Variants in SCAI observed in about 807,000 individuals in gnomAD.
SCAI encodes the protein suppressor of cancer cell invasion.
A neutral mutation model predicts 92.2 loss-of-function variants in SCAI; 24 were observed. The ratio of observed to expected loss-of-function variants is 0.26; its 90% CI spans 0.19 to 0.37. The LOEUF is 0.37. Ranked by LOEUF, SCAI falls within the 10% of genes least tolerant of loss-of-function variation. The pLI is 1.00. For missense variants in SCAI, 450 were observed against 736.2 expected, an observed-to-expected ratio of 0.61 and a Z score of 4.50; for synonymous variants, 261 against 258.6, an observed-to-expected ratio of 1.01 and a Z score of -0.09.
chr9:125,056,096 C>A, intron 2 of SCAI, 89 bp from the exon 3 acceptor site: 1 of 909,790 alleles, frequency 1.1e-6, no homozygotes, highest in Non-Finnish European at 1.6e-6. Flanking sequence ...TATTTTTTAT[C>A]CAAGACAGAT....
At chr9:124,957,412 G>C (rs551961612) in intron 17 of SCAI, among the ~76,000 whole-genome samples, 49 of 151,988 alleles carry the variant, frequency 3.2e-4, no homozygotes, top group Middle Eastern at 3.4e-3. Flanking sequence ...GCCCAGGCTG[G>C]AGTGCAGTGG....
chr9:125,093,562 ACCT>A (rs1411893476), intron 2 of SCAI, among the ~76,000 whole-genome samples: 108 of 136,742 alleles, frequency 7.9e-4, no homozygotes, highest in African/African-American at 2.7e-3. Flanking sequence ...CACTGATGAC[ACCT>A]CCTTTTTTTT....
At chr9:125,004,752 TATATATATATATATATATATATA>T (rs1832445816) in intron 9 of SCAI, among the ~76,000 whole-genome samples, 80 of 15,172 alleles carry the variant, frequency 5.3e-3, no homozygotes, top group Admixed American at 0.012. Context: ...TATATATATA[TATATATATATATATATATATATA>T]TATATTTTTT....
chr9:125,054,487 C>A (rs1833624724), intron 3 of SCAI, among the ~76,000 whole-genome samples: 1 of 149,358 alleles, frequency 6.7e-6, no homozygotes. Flanking sequence ...GAATATGGTA[C>A]ATACTGGGTG....
intron 14 of SCAI, among the ~76,000 whole-genome samples, chr9:124,987,042 CT>C (rs377179832): frequency 6.6e-6 from 1 of 151,788 alleles, no homozygotes; most frequent in African/African-American, 2.4e-5. Context: ...GACTGAGGGC[CT>C]TTTTTTTGAG....
chr9:125,141,944 G>A (rs909235886), intron 2 of SCAI, among the ~76,000 whole-genome samples: 2 of 152,008 alleles, frequency 1.3e-5, no homozygotes, highest in Admixed American at 6.6e-5. Context: ...ATTTTTTGAG[G>A]CAGGGTCTTG....
chr9:125,060,406 T>C (rs1414263783), intron 2 of SCAI, among the ~76,000 whole-genome samples: 1 of 152,206 alleles, frequency 6.6e-6, no homozygotes, highest in African/African-American at 2.4e-5. Flanking sequence ...GAGTGGCATA[T>C]TTCTTCAAAG....
intron 2 of SCAI, chr9:125,066,195 T>C (rs1309836573): frequency 1.9e-6 from 1 of 516,034 alleles, no homozygotes; most frequent in African/African-American, 2.0e-5. Flanking sequence ...GCAAAGTTTC[T>C]GGATAAAAGG....
intron 2 of SCAI, chr9:125,065,904 A>G: frequency 4.5e-6 from 3 of 671,036 alleles, no homozygotes; most frequent in Non-Finnish European, 8.0e-6. Context: ...AAGAAAAAGA[A>G]ACCAACTCAG....
intron 6 of SCAI, among the ~76,000 whole-genome samples, chr9:125,023,204 A>C (rs555771031): frequency 6.6e-6 from 1 of 152,304 alleles, no homozygotes; most frequent in East Asian, 1.9e-4. Flanking sequence ...CTTGTATATC[A>C]TACCTTCCCC....
chr9:125,040,961 T>C (rs542560661), intron 3 of SCAI, among the ~76,000 whole-genome samples: 2 of 152,234 alleles, frequency 1.3e-5, no homozygotes, highest in African/African-American at 2.4e-5. Flanking sequence ...CTGTAATAAA[T>C]ATCTTCATAC....
chr9:125,014,081 T>C (rs1213629231), intron 9 of SCAI, among the ~76,000 whole-genome samples: 2 of 152,132 alleles, frequency 1.3e-5, no homozygotes, highest in South Asian at 2.1e-4. Context: ...TCATACTGAA[T>C]GGGCAAAAAC....
chr9:125,112,690 C>T (rs980314307), intron 2 of SCAI, among the ~76,000 whole-genome samples: 12 of 152,228 alleles, frequency 7.9e-5, no homozygotes, highest in Non-Finnish European at 1.6e-4. Context: ...TAACACCTAG[C>T]TCTTGGCTTC....
At chr9:125,058,986 AATATAG>A (rs1833724277) in intron 2 of SCAI, among the ~76,000 whole-genome samples, 1 of 152,240 alleles carries the variant, frequency 6.6e-6, no homozygotes, top group Non-Finnish European at 1.5e-5. Context: ...ATCATGAATC[AATATAG>A]ATATAAATAA....
intron 3 of SCAI, among the ~76,000 whole-genome samples, chr9:125,046,262 T>TAC (rs1179147297): frequency 6.0e-5 from 7 of 116,962 alleles, no homozygotes; most frequent in African/African-American, 1.3e-4. Context: ...TACACATATA[T>TAC]ACACACACAC....
At chr9:125,078,075 T>G (rs1396035085) in intron 2 of SCAI, among the ~76,000 whole-genome samples, 1 of 152,154 alleles carries the variant, frequency 6.6e-6, no homozygotes, top group Non-Finnish European at 1.5e-5. Context: ...AAGAGTTCAT[T>G]ACACATTCTA....
rs1235843828 is a variant in SCAI, at chr9:124,947,331, G to A, written c.*5476C>T. The A allele has an allele frequency of 1.3e-5, 2 of 152,100 alleles. No individual in the cohort carries two copies. Among genetic ancestry groups the A allele is most frequent in the Non-Finnish European group, 2.9e-5 (2 of 68,006 alleles). The allele number at this position is 152,100 out of a possible 1,614,324, so 9.4% of individuals were successfully genotyped here. A position where few individuals can be genotyped will look rare whatever the true frequency, so the allele number is the denominator to read the frequency against. On this transcript the variant is annotated 3_prime_UTR_variant, in exon 18 of 18. Coordinates refer to ENST00000336505, the MANE Select transcript of SCAI (RefSeq NM_001144877.3). ...CAGTTTCACATACTTAGGTTTTTCAGGTTATATCACTAATTTATCATCAGT... is the reference window on the plus strand; with the variant it reads ...CAGTTTCACATACTTAGGTTTTTCAAGTTATATCACTAATTTATCATCAGT...
intron 17 of SCAI, among the ~76,000 whole-genome samples, chr9:124,963,893 G>A (rs753498096): frequency 3.9e-5 from 6 of 151,986 alleles, no homozygotes; most frequent in South Asian, 2.1e-4. Context: ...GGCTGTGGAG[G>A]AGGAGGAGGG....
At chr9:125,031,412 C>T (rs1833072321) in intron 3 of SCAI, among the ~76,000 whole-genome samples, 1 of 152,066 alleles carries the variant, frequency 6.6e-6, no homozygotes, top group South Asian at 2.1e-4. Flanking sequence ...CAGGTGCCTG[C>T]CACCACGCCC....
Sources: allele counts gnomAD v4.1 joint callset (sites outside exome capture counted in the v4.1 genomes callset), GRCh38; gene constraint gnomAD v4.1.1; transcripts MANE v1.5; gene names NCBI Gene and HGNC (gene_info 2026-07-23, HGNC 2026-07-21).